Variants in HNRNPH1 observed in about 807,000 individuals in gnomAD.
HNRNPH1 encodes heterogeneous nuclear ribonucleoprotein H.
A neutral mutation model predicts 58.6 loss-of-function variants in HNRNPH1; 4 were observed. The ratio of observed to expected loss-of-function variants is 0.07; its 90% CI spans 0.03 to 0.16. HNRNPH1 has a LOEUF of 0.16. Among genes scored for constraint, HNRNPH1 ranks in the 10% least tolerant of loss-of-function variants. HNRNPH1 has a pLI of 1.00. For missense variants in HNRNPH1, 271 were observed against 564.2 expected (o/e 0.48, Z 5.26); for synonymous variants, 192 against 189.2 (o/e 1.01, Z -0.12).
At chr5:179,632,753 C>CT (rs752554745) in intron 2 of HNRNPH1, among the ~76,000 whole-genome samples, 43,729 of 91,452 alleles carry the variant, frequency 0.48, 13,520 homozygotes, top group African/African-American at 0.62. Flanking sequence ...AATCAAATAT[C>CT]TTTTTTTTTT....
At chr5:179,628,742 C>G (rs1774578523), upstream of HNRNPH1, among the ~76,000 whole-genome samples, 1 of 152,068 alleles carries the variant, frequency 6.6e-6, no homozygotes, top group South Asian at 2.1e-4. Context: ...GAGTTCCAGA[C>G]TAACCTGGCC....
chr5:179,622,083 A>G (rs1256175504), intron 1 of HNRNPH1: 4 of 441,924 alleles, frequency 9.1e-6, no homozygotes, highest in Non-Finnish European at 1.8e-5. Context: ...GTCTAATAAT[A>G]GGAACAAGGA....
At chr5:179,623,065 C>A (rs915484179) in exon 1 of HNRNPH1, 1 of 1,603,162 alleles carries the variant, frequency 6.2e-7, no homozygotes, top group East Asian at 2.3e-5. Flanking sequence ...CTTCATCGGC[C>A]GAGCAAGACC....
chr5:179,618,883 AG>A (rs1026669228), intron 4 of HNRNPH1: 1 of 161,776 alleles, frequency 6.2e-6, no homozygotes, highest in African/African-American at 2.4e-5. Context: ...ATATACAGCA[AG>A]AAAAAGTTTG....
At chr5:179,628,704 C>G (rs180707824), upstream of HNRNPH1, among the ~76,000 whole-genome samples, 2 of 152,328 alleles carry the variant, frequency 1.3e-5, no homozygotes, top group East Asian at 3.9e-4. Flanking sequence ...CTCTGGGAGG[C>G]CATGGTGGGC....
chr5:179,621,444 C>A, intron 1 of HNRNPH1, 47 bp from the exon 3 acceptor site: 1 of 1,545,502 alleles, frequency 6.5e-7, no homozygotes, highest in Non-Finnish European at 8.9e-7. Flanking sequence ...CCTAAAACCA[C>A]CTCTGGGTGA....
At chr5:179,614,792 A>G (rs1170466928) in exon 13 of HNRNPH1, 9 of 906,758 alleles carry the variant, frequency 9.9e-6, no homozygotes, top group South Asian at 1.7e-5. Flanking sequence ...AAGAAAAAAA[A>G]AAAAAAAAAA....
chr5:179,615,903 A>AT, intron 11 of HNRNPH1: 2 of 532,038 alleles, frequency 3.8e-6, no homozygotes, highest in Non-Finnish European at 3.3e-6. Flanking sequence ...CCTCCCAATG[A>AT]TTGTTTCTGA....
upstream of HNRNPH1, among the ~76,000 whole-genome samples, chr5:179,625,873 A>G (rs950083354): frequency 2.6e-5 from 4 of 151,668 alleles, no homozygotes; most frequent in Admixed American, 2.6e-4. Flanking sequence ...GGCTCAAACA[A>G]TCCTCCTGCC....
At chr5:179,632,753 C>CCTTTTTTT (rs1554137222) in intron 2 of HNRNPH1, among the ~76,000 whole-genome samples, 1 of 92,006 alleles carries the variant, frequency 1.1e-5, no homozygotes, top group Non-Finnish European at 2.0e-5. Context: ...AATCAAATAT[C>CCTTTTTTT]TTTTTTTTTT....
intron 12 of HNRNPH1, chr5:179,615,172 T>TAC: frequency 2.0e-6 from 1 of 495,538 alleles, no homozygotes; most frequent in Non-Finnish European, 3.6e-6. Flanking sequence ...ACTCTTGTGC[T>TAC]ACCATTTTAA....
chr5:179,627,957 T>G (rs527586879), upstream of HNRNPH1, among the ~76,000 whole-genome samples: 58 of 144,172 alleles, frequency 4.0e-4, no homozygotes, highest in African/African-American at 1.4e-3. Flanking sequence ...CAAATAGCTG[T>G]GATTACAGGC....
At chr5:179,622,014 G>C (rs1033487404) in intron 1 of HNRNPH1, 2 of 455,092 alleles carry the variant, frequency 4.4e-6, no homozygotes, top group South Asian at 1.6e-5. Context: ...CAAACGTCTT[G>C]CCAAAAGCTG....
At chr5:179,622,166 G>A (rs909780178) in intron 1 of HNRNPH1, among the ~76,000 whole-genome samples, 2 of 152,070 alleles carry the variant, frequency 1.3e-5, no homozygotes, top group Admixed American at 6.6e-5. Flanking sequence ...GTCTTCAACT[G>A]TATAGTGAGC....
rs1581644514 is a variant in HNRNPH1, at chr5:179,616,769, T to G, written c.1207+100A>C. ...TATCAAGAAACTGCTTTGCCTAAGT[T>G]TCTTATGCTAAACTTATTAAATAAA... On this transcript the variant is annotated intron_variant, in intron 10 of 12. Transcript: ENST00000356731. The G allele has an allele frequency of 2.2e-5, 23 of 1,065,384 alleles. No homozygotes were observed. The East Asian group carries it at 5.9e-4, about 27-fold the overall frequency. 66.0% of individuals were successfully genotyped at this position (1,065,384 alleles called of 1,614,324 possible).
intron 3 of HNRNPH1, chr5:179,619,611 G>A (rs189316574): frequency 6.3e-4 from 253 of 399,172 alleles, no homozygotes; most frequent in African/African-American, 4.8e-3. Context: ...CACACCCATG[G>A]TACAGTATAT....
In HNRNPH1 at chr5:179,616,968, G is replaced by A. The variant is rs985321050; in HGVS notation, c.1118-10C>T. ...TCTACATATCTGTGTTCTGAAATGA[G>A]AGAAAAGGCATACAAGGTTAGCTTA... On this transcript the variant is annotated splice_polypyrimidine_tract_variant and intron_variant, in intron 9 of 12. Coordinates refer to ENST00000356731, the Ensembl canonical transcript of HNRNPH1. 3 of 1,574,452 alleles carry A rather than the reference G, an allele frequency of 1.9e-6. No individual in the cohort carries two copies. Among genetic ancestry groups the A allele is most frequent in the Non-Finnish European group, 2.6e-6 (3 of 1,157,324 alleles).
At chr5:179,631,468 G>A (rs1774823978) in intron 2 of HNRNPH1, among the ~76,000 whole-genome samples, 1 of 151,740 alleles carries the variant, frequency 6.6e-6, no homozygotes, top group South Asian at 2.1e-4. Flanking sequence ...AAAACATGCT[G>A]GGCGCGGTGG....
chr5:179,632,297 G>T (rs1424100580), intron 2 of HNRNPH1, among the ~76,000 whole-genome samples: 4 of 144,980 alleles, frequency 2.8e-5, no homozygotes, highest in African/African-American at 5.2e-5. Flanking sequence ...GACAGAGCGA[G>T]ACTCCGTCTC....
Sources: gnomAD v4.1 joint callset for allele counts (sites outside exome capture counted in the v4.1 genomes callset) on GRCh38, gnomAD v4.1.1 for gene constraint, MANE v1.5 for transcripts, NCBI Gene and HGNC (gene_info 2026-07-23, HGNC 2026-07-21) for gene names.